Variants in KCNH1 observed in about 807,000 individuals in gnomAD.
The protein encoded by KCNH1 is voltage-gated delayed rectifier potassium channel KCNH1.
A neutral mutation model predicts 69.2 loss-of-function variants in KCNH1; 27 were observed. The ratio of observed to expected loss-of-function variants is 0.39; its 90% CI spans 0.29 to 0.54. The LOEUF is 0.54. Ranked by LOEUF, KCNH1 falls within the 20% of genes least tolerant of loss-of-function variation. The pLI, the probability that KCNH1 is intolerant of heterozygous loss-of-function variation, is 0.68. For missense variants in KCNH1, 798 were observed against 1,261.6 expected (o/e 0.63, Z 5.57); for synonymous variants, 456 against 487.7 (o/e 0.93, Z 0.86).
chr1:211,078,901 G>A (rs535333131), intron 5 of KCNH1, among the ~76,000 whole-genome samples: 2 of 121,640 alleles, frequency 1.6e-5, no homozygotes, highest in South Asian at 5.4e-4. Context: ...CTGGGTGACA[G>A]AGCGAGACTC....
intron 10 of KCNH1, among the ~76,000 whole-genome samples, chr1:210,754,014 A>G (rs1683340230): frequency 6.6e-6 from 1 of 151,114 alleles, no homozygotes; most frequent in Non-Finnish European, 1.5e-5. Context: ...TCCTGGGTTC[A>G]GGCCGTTCTC....
chr1:210,712,661 C>T (rs1476360353), intron 10 of KCNH1, among the ~76,000 whole-genome samples: 1 of 152,218 alleles, frequency 6.6e-6, no homozygotes, highest in Non-Finnish European at 1.5e-5. Flanking sequence ...GCAGAACTTG[C>T]TGCTGGTGTC....
At chr1:210,863,443 T>G (rs1686024689) in intron 7 of KCNH1, among the ~76,000 whole-genome samples, 1 of 152,328 alleles carries the variant, frequency 6.6e-6, no homozygotes, top group Non-Finnish European at 1.5e-5. Context: ...TGAAGTGGAC[T>G]TGACATCATA....
At chr1:210,897,648 T>C (rs1337709746) in intron 7 of KCNH1, among the ~76,000 whole-genome samples, 3 of 152,200 alleles carry the variant, frequency 2.0e-5, no homozygotes, top group Non-Finnish European at 4.4e-5. Context: ...GTATTGCTCT[T>C]GCTATGGTTT....
At chr1:211,131,753 C>T (rs999205484) in intron 1 of KCNH1, among the ~76,000 whole-genome samples, 1 of 152,060 alleles carries the variant, frequency 6.6e-6, no homozygotes, top group African/African-American at 2.4e-5. Context: ...AACATTGAGT[C>T]CCATATTTCA....
At chr1:210,722,710 T>G (rs1319936177) in intron 10 of KCNH1, among the ~76,000 whole-genome samples, 1 of 152,246 alleles carries the variant, frequency 6.6e-6, no homozygotes, top group Non-Finnish European at 1.5e-5. Context: ...GCACAGTGTA[T>G]GGTCTCCATA....
intron 6 of KCNH1, among the ~76,000 whole-genome samples, chr1:210,947,979 G>A (rs1466561115): frequency 6.6e-6 from 1 of 151,790 alleles, no homozygotes; most frequent in African/African-American, 2.4e-5. Context: ...TAGGGGTTGG[G>A]GGCAGATTGC....
At chr1:211,044,995 G>A (rs1349294684) in intron 5 of KCNH1, among the ~76,000 whole-genome samples, 1 of 128,776 alleles carries the variant, frequency 7.8e-6, no homozygotes, top group Non-Finnish European at 1.6e-5. Flanking sequence ...CAAAAATGTG[G>A]GACCAACCCA....
intron 7 of KCNH1, among the ~76,000 whole-genome samples, chr1:210,917,464 A>T (rs1687371980): frequency 6.6e-6 from 1 of 151,896 alleles, no homozygotes; most frequent in South Asian, 2.1e-4. Flanking sequence ...TCCATAGACG[A>T]CTCATTTTGG....
At chr1:210,819,001 T>C (rs538199754) in intron 7 of KCNH1, among the ~76,000 whole-genome samples, 5 of 152,326 alleles carry the variant, frequency 3.3e-5, no homozygotes, top group South Asian at 2.1e-4. Flanking sequence ...CAAGTAACCA[T>C]TGGATGCCTT....
rs1687416415 is a variant in KCNH1 at position 210,919,526 on chromosome 1, A to T, written c.1462+114T>A. 1 of 1,038,264 alleles carries T rather than the reference A, an allele frequency of 9.6e-7. No homozygotes were observed. Among genetic ancestry groups the T allele is most frequent in the Non-Finnish European group, 1.4e-6 (1 of 702,254 alleles). 64.3% of individuals were successfully genotyped at this position (1,038,264 alleles called of 1,614,324 possible). On this transcript the variant is annotated intron_variant, in intron 7 of 10. Transcript: ENST00000271751. The surrounding 1 kb of genome is among the most constrained non-coding windows in gnomAD (Gnocchi z 4.2). ...TAACTGTAAGCCTAGTCTTAAAAAA[A>T]CTCTTCCTTGTTTTAAGTTATTATT...
chr1:211,020,493 A>AT (rs1331654122), intron 5 of KCNH1, among the ~76,000 whole-genome samples: 2 of 63,382 alleles, frequency 3.2e-5, no homozygotes, highest in Non-Finnish European at 7.7e-5. Context: ...ATCAGTAATA[A>AT]AAAAAAAAAT....
chr1:210,780,705 C>T (rs1159382845), intron 9 of KCNH1, among the ~76,000 whole-genome samples: 2 of 152,178 alleles, frequency 1.3e-5, no homozygotes, highest in Non-Finnish European at 2.9e-5. Flanking sequence ...GCAGAGGGAT[C>T]AGCATGAGCA....
At chr1:210,926,250 C>G (rs1009243497) in intron 6 of KCNH1, among the ~76,000 whole-genome samples, 10 of 151,292 alleles carry the variant, frequency 6.6e-5, no homozygotes, top group Non-Finnish European at 1.2e-4. Context: ...ACAACAAGAG[C>G]AAAACTCCAT....
At chr1:211,030,241 A>G (rs1689758140) in intron 5 of KCNH1, among the ~76,000 whole-genome samples, 1 of 152,234 alleles carries the variant, frequency 6.6e-6, no homozygotes, top group Non-Finnish European at 1.5e-5. Flanking sequence ...AAACTCATCA[A>G]ATTATATACA....
intron 10 of KCNH1, among the ~76,000 whole-genome samples, chr1:210,685,246 C>T (rs1032392714): frequency 9.9e-5 from 15 of 152,140 alleles, no homozygotes; most frequent in Non-Finnish European, 1.8e-4. Flanking sequence ...TGTTTGAATT[C>T]GTGAGAGGCA....
chr1:211,102,938 G>A (rs1345634340), intron 3 of KCNH1, among the ~76,000 whole-genome samples: 1 of 152,214 alleles, frequency 6.6e-6, no homozygotes, highest in Admixed American at 6.5e-5. Context: ...AACCTCCTAA[G>A]GGAAGAGCAA....
chr1:210,849,671 G>T lies in KCNH1; in HGVS notation c.1463-45505C>A, dbSNP rs114870146. ...ATGAGCCACTGTGCCCAGCTGCCATGAGCCTTTTAATCAAGCAACAATTCA... is the reference window on the plus strand; with the variant it reads ...ATGAGCCACTGTGCCCAGCTGCCATTAGCCTTTTAATCAAGCAACAATTCA... On this transcript the variant is annotated intron_variant, in intron 7 of 10. Transcript: ENST00000271751. Among the ~76,000 whole-genome samples the T allele has an allele frequency of 9.9e-3, 1,511 of 152,096 alleles. 28 individuals are homozygous for T. Among genetic ancestry groups the T allele is most frequent in the African/African-American group, 0.034 (1,424 of 41,520 alleles).
At chr1:210,859,147 T>C in intron 7 of KCNH1, 2 of 1,354,368 alleles carry the variant, frequency 1.5e-6, no homozygotes, top group Non-Finnish European at 2.1e-6. Flanking sequence ...TTCACTACAA[T>C]CACACAGTAG....
Sources: allele counts gnomAD v4.1 joint callset (sites outside exome capture counted in the v4.1 genomes callset), GRCh38; gene constraint gnomAD v4.1.1; non-coding constraint Gnocchi (gnomAD v3.1); transcripts MANE v1.5; gene names NCBI Gene and HGNC (gene_info 2026-07-23, HGNC 2026-07-21).